Variants in TBC1D14 observed in about 807,000 individuals in gnomAD.
TBC1D14 encodes TBC1 domain family, member 14.
Under a neutral mutation model 79.0 loss-of-function variants are expected in TBC1D14, and 26 were observed. The observed-to-expected ratio is 0.33, with a 90% CI of 0.24 to 0.46. The LOEUF is 0.46. Ranked by LOEUF, TBC1D14 falls within the 20% of genes least tolerant of loss-of-function variation. The pLI, the probability that TBC1D14 is intolerant of heterozygous loss-of-function variation, is 1.00. For missense variants in TBC1D14, 769 were observed against 887.6 expected (o/e 0.87, Z 1.70); for synonymous variants, 394 against 349.9 (o/e 1.13, Z -1.40).
chr4:7,031,512 C>G lies in TBC1D14; in HGVS notation c.*1120C>G, dbSNP rs1723040291. 6.6e-6 allele frequency: 1 copy of G among 152,254 alleles called. No homozygotes were observed. The highest frequency in any genetic ancestry group is 1.5e-5 in the Non-Finnish European group (1 of 68,050). The allele number at this position is 152,254 out of a possible 1,614,324, so 9.4% of individuals were successfully genotyped here. The stretch of plus-strand genomic sequence containing the variant: ...AGCCTCCCCATTTTAGCTGACTTTC[C>G]CAGGGTCGTTGGCAAATTTTTTGTT... On this transcript the variant is annotated 3_prime_UTR_variant, in exon 14 of 14. Coordinates refer to ENST00000409757, the MANE Select transcript of TBC1D14 (RefSeq NM_020773.3).
intron 11 of TBC1D14, among the ~76,000 whole-genome samples, chr4:7,013,416 C>A (rs1336554920): frequency 6.6e-6 from 1 of 152,226 alleles, no homozygotes; most frequent in African/African-American, 2.4e-5. Flanking sequence ...CCCCCAGGCG[C>A]CCAGCTGGTG....
rs1474407309 is a variant in TBC1D14 at position 6,923,723 on chromosome 4, C to T, written c.334C>T (p.Pro112Ser). The T allele has an allele frequency of 6.2e-7, 1 of 1,613,944 alleles. No individual in the cohort carries two copies. The highest frequency in any genetic ancestry group is 1.7e-5 in the Admixed American group (1 of 60,032). ...CGCCTGCGCGCTGCCATCCTGTGCG[C>T]CACCAGCTCCTAGCAGCACCGAGCG... ...QSACALPSCAPPAPSSTEREQ... is the reference protein window; with the variant it reads ...QSACALPSCASPAPSSTEREQ... The change falls in exon 2 of 14, where the codon CCA becomes TCA. Residue 112 changes from proline to serine, a missense_variant. Around this residue, in one of 2 missense-constraint regions of TBC1D14, gnomAD observed 402 missense variants for 393.2 expected, o/e 1.02. Coordinates refer to ENST00000409757, the MANE Select transcript of TBC1D14 (RefSeq NM_020773.3).
intron 8 of TBC1D14, among the ~76,000 whole-genome samples, chr4:7,005,415 A>G (rs939111708): frequency 6.6e-6 from 1 of 152,182 alleles, no homozygotes; most frequent in Non-Finnish European, 1.5e-5. Context: ...GGTGCCTGTA[A>G]TCCTAGCTAC....
intron 2 of TBC1D14, among the ~76,000 whole-genome samples, chr4:6,950,021 C>T (rs559616341): frequency 6.6e-6 from 1 of 152,006 alleles, no homozygotes; most frequent in South Asian, 2.1e-4. Context: ...GGTTTCAAGC[C>T]CCACATGCAT....
At chr4:7,025,434 G>A (rs999179508) in intron 13 of TBC1D14, among the ~76,000 whole-genome samples, 172 bp downstream of exon 13, 1 of 151,942 alleles carries the variant, frequency 6.6e-6, no homozygotes, top group Admixed American at 6.6e-5. Flanking sequence ...GCGTCTCGGC[G>A]GGTCGCCTCC....
At chr4:6,988,885 CTTTTTTTTTTTTTT>C (rs34268749) in intron 3 of TBC1D14, among the ~76,000 whole-genome samples, 1 of 76,808 alleles carries the variant, frequency 1.3e-5, no homozygotes, top group African/African-American at 5.5e-5. Context: ...TTCTTTCTTT[CTTTTTTTTTTTTTT>C]TTTTTTTTTG....
At chr4:6,914,696 G>A (rs145971512) in intron 1 of TBC1D14, among the ~76,000 whole-genome samples, 2 of 152,178 alleles carry the variant, frequency 1.3e-5, no homozygotes, top group Non-Finnish European at 2.9e-5. Flanking sequence ...GGTCATGTTC[G>A]TGAGCCTGGA....
At chr4:7,009,799 C>T (rs867047042) in intron 9 of TBC1D14, 78 bp from the exon 10 acceptor site, 2 of 1,397,544 alleles carry the variant, frequency 1.4e-6, no homozygotes, top group Admixed American at 1.7e-5. Context: ...GCAGCGGCAG[C>T]AGTAGTAGTA....
chr4:7,022,671 A>G (rs10012590), intron 12 of TBC1D14, among the ~76,000 whole-genome samples: 127,100 of 152,044 alleles, frequency 0.84, 53,220 homozygotes, highest in East Asian at 0.98. Context: ...GGGATTGGAA[A>G]TGGATTTGTC....
At chr4:6,994,059 G>T in intron 3 of TBC1D14, 125 bp from the exon 4 acceptor site, 1 of 790,396 alleles carries the variant, frequency 1.3e-6, no homozygotes. Flanking sequence ...AGCAGGAAAG[G>T]TTTTTGGCGA....
intron 3 of TBC1D14, among the ~76,000 whole-genome samples, chr4:6,968,898 C>A (rs956116920): frequency 6.6e-6 from 1 of 152,206 alleles, no homozygotes; most frequent in African/African-American, 2.4e-5. Flanking sequence ...CGTGGGGTTA[C>A]AGAGGATGCC....
At chr4:7,021,911 G>C (rs1323352876) in intron 12 of TBC1D14, among the ~76,000 whole-genome samples, 2 of 152,184 alleles carry the variant, frequency 1.3e-5, no homozygotes, top group Non-Finnish European at 2.9e-5. Context: ...CTTGAACCAG[G>C]AGGGCCGTGT....
chr4:7,017,014 C>T (rs1260542594), intron 12 of TBC1D14, among the ~76,000 whole-genome samples: 1 of 152,148 alleles, frequency 6.6e-6, no homozygotes, highest in East Asian at 1.9e-4. Flanking sequence ...AAAAAACAGG[C>T]TCAGGGCGGG....
At chr4:7,026,850 T>G (rs1722424186) in intron 13 of TBC1D14, among the ~76,000 whole-genome samples, 1 of 152,084 alleles carries the variant, frequency 6.6e-6, no homozygotes, top group African/African-American at 2.4e-5. Context: ...TGGGCTGTGA[T>G]TGCGGCACTG....
intron 13 of TBC1D14, among the ~76,000 whole-genome samples, chr4:7,027,347 ACCT>A (rs1442566986): frequency 5.3e-5 from 6 of 112,304 alleles, no homozygotes; most frequent in African/African-American, 2.1e-4. Flanking sequence ...ACACACAATC[ACCT>A]CCACGCACAC....
chr4:6,949,544 G>A (rs1053305213), intron 2 of TBC1D14, among the ~76,000 whole-genome samples: 5 of 152,086 alleles, frequency 3.3e-5, no homozygotes, highest in Admixed American at 1.3e-4. Flanking sequence ...TTAGCCGGGT[G>A]TAGTAGCAGG....
intron 2 of TBC1D14, chr4:6,954,432 C>T: frequency 4.2e-6 from 3 of 715,864 alleles, no homozygotes; most frequent in Non-Finnish European, 7.8e-6. Flanking sequence ...CAGCATGTGA[C>T]CGTCGGCCTT....
intron 11 of TBC1D14, among the ~76,000 whole-genome samples, chr4:7,011,652 G>A (rs1277301299): frequency 6.6e-6 from 1 of 151,916 alleles, no homozygotes; most frequent in Non-Finnish European, 1.5e-5. Context: ...CGCTTCCTGG[G>A]TTCAAGCAAT....
chr4:6,941,489 G>A (rs778042571), intron 2 of TBC1D14, among the ~76,000 whole-genome samples: 1 of 152,172 alleles, frequency 6.6e-6, no homozygotes, highest in Non-Finnish European at 1.5e-5. Context: ...CCGGCCAAAA[G>A]CAGCTCTTTA....
Sources: gnomAD v4.1 joint callset for allele counts (sites outside exome capture counted in the v4.1 genomes callset) on GRCh38, gnomAD v4.1.1 for gene constraint, gnomAD v4.1.1 regional missense constraint, MANE v1.5 for transcripts, NCBI Gene and HGNC (gene_info 2026-07-23, HGNC 2026-07-21) for gene names.